COL13A1: variants seen among roughly 807,000 people sequenced by gnomAD.
COL13A1 encodes collagen type XIII alpha 1 chain.
Under a neutral mutation model 130.9 loss-of-function variants are expected in COL13A1, and 89 were observed. The observed-to-expected ratio is 0.68, with a 90% CI of 0.57 to 0.81. COL13A1 has a LOEUF of 0.81. Among genes scored for constraint, COL13A1 ranks in the 30% least tolerant of loss-of-function variants. The probability of loss-of-function intolerance (pLI) is 0.00; values close to 1 mark genes in which losing one functional copy is unlikely to be tolerated. For missense variants in COL13A1, 879 were observed against 934.6 expected, an observed-to-expected ratio of 0.94 and a Z score of 0.78; for synonymous variants, 402 against 341.6, an observed-to-expected ratio of 1.18 and a Z score of -1.95.
intron 13 of COL13A1, among the ~76,000 whole-genome samples, chr10:69,897,775 T>G (rs1173434552): frequency 6.6e-6 from 1 of 152,178 alleles, no homozygotes; most frequent in Non-Finnish European, 1.5e-5. Context: ...GAGTCTCGTG[T>G]GATTTAAGCG....
intron 2 of COL13A1, among the ~76,000 whole-genome samples, chr10:69,864,069 A>G (rs985295832): frequency 9.2e-5 from 14 of 152,152 alleles, no homozygotes; most frequent in Non-Finnish European, 1.6e-4. Flanking sequence ...ATACTATCTC[A>G]AAAAATAATA....
At chr10:69,823,832 G>A (rs1292603147) in intron 2 of COL13A1, among the ~76,000 whole-genome samples, 1 of 152,152 alleles carries the variant, frequency 6.6e-6, no homozygotes, top group Admixed American at 6.5e-5. Flanking sequence ...GGGCCCGGGG[G>A]TCTGGGAAAG....
At chr10:69,824,353 T>C (rs1399139336) in intron 2 of COL13A1, among the ~76,000 whole-genome samples, 2 of 152,230 alleles carry the variant, frequency 1.3e-5, no homozygotes, top group African/African-American at 4.8e-5. Context: ...GAGACTTGCC[T>C]TTCTCCCTTC....
At chr10:69,926,989 A>G in intron 26 of COL13A1, 98 bp from the exon 27 acceptor site, 1 of 1,563,484 alleles carries the variant, frequency 6.4e-7, no homozygotes. Flanking sequence ...CGCTCCTTTG[A>G]GGGGCCTAGC....
intron 1 of COL13A1, among the ~76,000 whole-genome samples, chr10:69,805,713 A>AG (rs1841388841): frequency 1.3e-5 from 2 of 152,116 alleles, no homozygotes; most frequent in South Asian, 4.1e-4. Flanking sequence ...AAGCAACTTG[A>AG]GGGGACCATC....
At chr10:69,847,207 C>T (rs1305144401) in intron 2 of COL13A1, among the ~76,000 whole-genome samples, 1 of 152,202 alleles carries the variant, frequency 6.6e-6, no homozygotes, top group Non-Finnish European at 1.5e-5. Context: ...GCTCATTTTA[C>T]TGATGAGAAA....
intron 2 of COL13A1, among the ~76,000 whole-genome samples, chr10:69,841,762 A>C (rs768399858): frequency 1.4e-4 from 21 of 152,216 alleles, no homozygotes; most frequent in Non-Finnish European, 2.9e-4. Context: ...GGGAGTAGGA[A>C]TTGACCAGGT....
At chr10:69,853,372 GC>G (rs1855514918) in intron 2 of COL13A1, among the ~76,000 whole-genome samples, 1 of 151,738 alleles carries the variant, frequency 6.6e-6, no homozygotes, top group African/African-American at 2.4e-5. Context: ...CCTCTTATCT[GC>G]TGAGTGACCT....
intron 39 of COL13A1, chr10:69,956,341 A>G (rs1269867303): frequency 2.6e-5 from 4 of 152,372 alleles, no homozygotes; most frequent in Non-Finnish European, 5.9e-5. Context: ...GACGGTGTGC[A>G]GTTGATTCCC....
rs2066985102 is a variant in COL13A1 at position 69,936,794 on chromosome 10, T to C, written c.1797+12T>C. 1 of 1,613,752 alleles carries C rather than the reference T, an allele frequency of 6.2e-7. No homozygotes were observed. The highest frequency in any genetic ancestry group is 1.7e-5 in the Admixed American group (1 of 59,998). On this transcript the variant is annotated intron_variant, in intron 33 of 40. Transcript: ENST00000645393. ...TTCCTGGACCAAAGGTAAGGAGAAG[T>C]CACATGACAGGCGCTGTGTCAGTGC...
intron 17 of COL13A1, among the ~76,000 whole-genome samples, chr10:69,911,753 T>C (rs1359498656): frequency 6.6e-6 from 1 of 152,258 alleles, no homozygotes; most frequent in East Asian, 1.9e-4. Context: ...TGTGTTGCTC[T>C]TGCCAAAGAA....
At chr10:69,925,726 C>A in intron 25 of COL13A1, 78 bp from the exon 26 acceptor site, 1 of 1,068,228 alleles carries the variant, frequency 9.4e-7, no homozygotes, top group Non-Finnish European at 1.4e-6. Flanking sequence ...CCAGTGTGGG[C>A]TGATAGAGAG....
intron 17 of COL13A1, among the ~76,000 whole-genome samples, chr10:69,916,266 G>T (rs1235839838): frequency 6.6e-6 from 1 of 152,190 alleles, no homozygotes; most frequent in Non-Finnish European, 1.5e-5. Context: ...GGGGCAGCTG[G>T]GCCGGGAGCA....
At chr10:69,871,284 G>C (rs1459682304) in intron 3 of COL13A1, among the ~76,000 whole-genome samples, 1 of 152,194 alleles carries the variant, frequency 6.6e-6, no homozygotes, top group Non-Finnish European at 1.5e-5. Flanking sequence ...TCCGCAGGCA[G>C]ATTCATTCAT....
At chr10:69,826,617 G>T (rs1847559649) in intron 2 of COL13A1, among the ~76,000 whole-genome samples, 1 of 152,218 alleles carries the variant, frequency 6.6e-6, no homozygotes, top group African/African-American at 2.4e-5. Flanking sequence ...ACTTCACCAA[G>T]GAGAGGCCTT....
rs536742540 is a variant in COL13A1, at chr10:69,891,152, T to C, written c.603+1712T>C. 4.6e-5 allele frequency among the ~76,000 whole-genome samples: 7 copies of C among 152,298 alleles called. No homozygotes were observed. The East Asian group carries it at 1.2e-3, about 25-fold the overall frequency. ...TTGCCATCTGTAGCTCACAGTCTAGTAGGGAGACATCCTTTTAAATGATCA... is the reference window on the plus strand; with the variant it reads ...TTGCCATCTGTAGCTCACAGTCTAGCAGGGAGACATCCTTTTAAATGATCA... On this transcript the variant is annotated intron_variant, in intron 10 of 40. Coordinates refer to ENST00000645393, the MANE Select transcript of COL13A1 (RefSeq NM_001368882.1).
At chr10:69,889,233 C>G (rs1407707735) in intron 9 of COL13A1, among the ~76,000 whole-genome samples, 181 bp from the exon 10 acceptor site, 2 of 152,164 alleles carry the variant, frequency 1.3e-5, no homozygotes, top group East Asian at 3.8e-4. Context: ...AGCAAATGAC[C>G]TTGCCTTAGG....
At chr10:69,929,104 C>T (rs2135793428) in intron 28 of COL13A1, 105 bp downstream of exon 28, 1 of 877,932 alleles carries the variant, frequency 1.1e-6, no homozygotes, top group Non-Finnish European at 1.8e-6. Context: ...TACCACCATA[C>T]CCTCCTGCTG....
intron 2 of COL13A1, among the ~76,000 whole-genome samples, chr10:69,865,382 C>A (rs554759365): frequency 6.6e-6 from 1 of 152,340 alleles, no homozygotes; most frequent in Admixed American, 6.5e-5. Flanking sequence ...AACACAGCAT[C>A]AGGGGAAGCA....
Sources: allele counts gnomAD v4.1 joint callset (sites outside exome capture counted in the v4.1 genomes callset), GRCh38; gene constraint gnomAD v4.1.1; transcripts MANE v1.5; gene names NCBI Gene and HGNC (gene_info 2026-07-23, HGNC 2026-07-21).